Variants in FBXL5 observed in about 807,000 individuals in gnomAD.
The protein encoded by FBXL5 is F-box/LRR-repeat protein 5.
A neutral mutation model predicts 78.3 loss-of-function variants in FBXL5; 26 were observed. The observed-to-expected ratio is 0.33, with a 90% confidence interval of 0.24 to 0.46. The LOEUF (loss-of-function observed/expected upper bound fraction) is 0.46, where lower values mean the gene tolerates loss of function less well. Among genes scored for constraint, FBXL5 ranks in the 20% least tolerant of loss-of-function variants. The pLI, the probability that FBXL5 is intolerant of heterozygous loss-of-function variation, is 1.00. For missense variants in FBXL5, 710 were observed against 829.2 expected, an observed-to-expected ratio of 0.86 and a Z score of 1.77; for synonymous variants, 295 against 282.5, an observed-to-expected ratio of 1.04 and a Z score of -0.45.
intron 1 of FBXL5, among the ~76,000 whole-genome samples, chr4:15,679,571 A>C (rs1016547207): frequency 2.0e-4 from 30 of 151,260 alleles, no homozygotes; most frequent in Non-Finnish European, 3.8e-4. Flanking sequence ...ACAAAAAAAA[A>C]AAAAAACAAA....
intron 9 of FBXL5, among the ~76,000 whole-genome samples, chr4:15,614,116 G>T (rs181596517): frequency 6.6e-6 from 1 of 152,282 alleles, no homozygotes; most frequent in East Asian, 1.9e-4. Flanking sequence ...AGATTCTCTT[G>T]TCCCACAAGC....
rs181366780 is a variant in FBXL5 at position 15,632,663 on chromosome 4, C to T, written c.767-1872G>A. ...AAGTTGTATTCCTAGGTATTTTATT[C>T]TCTTTGTAGCAATTGTGAATGGGAG... On this transcript the variant is annotated intron_variant, in intron 5 of 10. Transcript: ENST00000341285. 1.3e-3 allele frequency among the ~76,000 whole-genome samples: 202 copies of T among 152,210 alleles called. 1 individual carries two copies. Among genetic ancestry groups the T allele is most frequent in the African/African-American group, 4.6e-3 (190 of 41,530 alleles).
At chr4:15,626,097 T>A in intron 8 of FBXL5, 120 bp from the exon 9 acceptor site, 1 of 902,482 alleles carries the variant, frequency 1.1e-6, no homozygotes, top group Non-Finnish European at 1.6e-6. Context: ...CACTTAAGTA[T>A]TTAGTGAATT....
intron 1 of FBXL5, among the ~76,000 whole-genome samples, chr4:15,649,507 G>C (rs1055876748): frequency 2.0e-5 from 3 of 150,134 alleles, no homozygotes; most frequent in Non-Finnish European, 4.4e-5. Context: ...TTGAACCCGG[G>C]AGGCAGAGGT....
intron 9 of FBXL5, among the ~76,000 whole-genome samples, chr4:15,623,094 A>G (rs1030251919): frequency 2.0e-5 from 3 of 152,206 alleles, no homozygotes; most frequent in Non-Finnish European, 4.4e-5. Flanking sequence ...CTCTTAAGAA[A>G]TTAACTCTCT....
At chr4:15,655,769 C>T (rs1716859878), upstream of FBXL5, among the ~76,000 whole-genome samples, 2 of 152,182 alleles carry the variant, frequency 1.3e-5, no homozygotes, top group Admixed American at 1.3e-4. Context: ...GCCTGGGTGA[C>T]CAATGCTTCT....
chr4:15,635,169 T>C (rs529109331), intron 5 of FBXL5, among the ~76,000 whole-genome samples: 2 of 151,812 alleles, frequency 1.3e-5, no homozygotes, highest in African/African-American at 4.8e-5. Context: ...CCGTCTCTAC[T>C]AAAAGTACAA....
At chr4:15,615,081 T>C (rs1711659311) in intron 9 of FBXL5, among the ~76,000 whole-genome samples, 1 of 152,162 alleles carries the variant, frequency 6.6e-6, no homozygotes, top group Non-Finnish European at 1.5e-5. Flanking sequence ...GAGGGTGTAC[T>C]GGGTCCCCCA....
intron 6 of FBXL5, among the ~76,000 whole-genome samples, chr4:15,628,363 C>T (rs1365338799): frequency 6.6e-6 from 1 of 152,044 alleles, no homozygotes; most frequent in Non-Finnish European, 1.5e-5. Flanking sequence ...CATAATGAAT[C>T]AAGCAAAGGA....
chr4:15,620,611 A>G (rs1712377606), intron 9 of FBXL5, among the ~76,000 whole-genome samples: 1 of 152,260 alleles, frequency 6.6e-6, no homozygotes, highest in African/African-American at 2.4e-5. Flanking sequence ...ATAATTAGAC[A>G]AGAAAAATAA....
upstream of FBXL5, among the ~76,000 whole-genome samples, chr4:15,658,288 A>C (rs529003879): frequency 6.6e-6 from 1 of 152,214 alleles, no homozygotes; most frequent in Non-Finnish European, 1.5e-5. Flanking sequence ...ACCAGAGTTG[A>C]TCCTTACTGT....
Position 15,623,544 on chromosome 4 carries a change from A to G in FBXL5, c.1850+1708T>C, listed in dbSNP as rs145805655. On this transcript the variant is annotated intron_variant, in intron 9 of 10. Coordinates refer to ENST00000341285, the MANE Select transcript of FBXL5 (RefSeq NM_012161.4). ...TGAAAAATGAATTACGAGGTTTTAA[A>G]TTGAACTAAAAATTGCTTTTACTTT... Among the ~76,000 whole-genome samples, 344 of 152,328 alleles carry G rather than the reference A, an allele frequency of 2.3e-3. 1 individual carries two copies. Among genetic ancestry groups the G allele is most frequent in the African/African-American group, 7.7e-3 (319 of 41,576 alleles).
At chr4:15,654,335 C>T (rs1223840408) in intron 1 of FBXL5, among the ~76,000 whole-genome samples, 2 of 152,180 alleles carry the variant, frequency 1.3e-5, no homozygotes, top group Non-Finnish European at 2.9e-5. Context: ...CTGACAAATA[C>T]GTGGAATGTT....
chr4:15,608,422 G>A (rs1442739929), intron 10 of FBXL5, among the ~76,000 whole-genome samples: 1 of 151,872 alleles, frequency 6.6e-6, no homozygotes, highest in Non-Finnish European at 1.5e-5. Flanking sequence ...GAAGTCTAAG[G>A]GATGGTGGCA....
rs1038498537 is a variant in FBXL5 at position 15,613,411 on chromosome 4, G to A, written c.1851-997C>T. ...GGCACACCCTAGAAGAATAAAAGCA[G>A]TATTTACATAAATAGGATAAAATTA... On this transcript the variant is annotated intron_variant, in intron 9 of 10. Transcript: ENST00000341285. 1.8e-4 allele frequency among the ~76,000 whole-genome samples: 27 copies of A among 152,212 alleles called. No homozygotes were observed. The East Asian group carries it at 5.0e-3, about 28-fold the overall frequency.
At chr4:15,628,785 A>ACACACG (rs10682962) in intron 6 of FBXL5, among the ~76,000 whole-genome samples, 81 of 98,226 alleles carry the variant, frequency 8.2e-4, no homozygotes, top group African/African-American at 2.6e-3. Context: ...ACACACACAC[A>ACACACG]CACGCACACA....
At chr4:15,607,523 A>G (rs1022789019) in intron 10 of FBXL5, among the ~76,000 whole-genome samples, 11 of 152,208 alleles carry the variant, frequency 7.2e-5, no homozygotes, top group Non-Finnish European at 5.9e-5. Context: ...TACTTATTAA[A>G]AATGCCCTGA....
intron 6 of FBXL5, among the ~76,000 whole-genome samples, chr4:15,628,909 C>T (rs1176265344): frequency 6.6e-6 from 1 of 151,896 alleles, no homozygotes; most frequent in Non-Finnish European, 1.5e-5. Context: ...TAAATGTATA[C>T]TATTTACTGT....
At chr4:15,606,367 A>G (rs1415207647) in intron 10 of FBXL5, among the ~76,000 whole-genome samples, 1 of 152,156 alleles carries the variant, frequency 6.6e-6, no homozygotes, top group Non-Finnish European at 1.5e-5. Flanking sequence ...AATTAAATAT[A>G]TAATGAGTGA....
Sources: gnomAD v4.1 joint callset for allele counts (sites outside exome capture counted in the v4.1 genomes callset) on GRCh38, gnomAD v4.1.1 for gene constraint, MANE v1.5 for transcripts, NCBI Gene and HGNC (gene_info 2026-07-23, HGNC 2026-07-21) for gene names.